APC: variants seen among roughly 807,000 people sequenced by gnomAD.
APC encodes the protein adenomatous polyposis coli protein.
In APC, 72 loss-of-function variants were observed where a neutral mutation model predicts 247.0. The observed-to-expected ratio is 0.29, with a 90% confidence interval of 0.24 to 0.35. APC has a LOEUF of 0.35. APC is among the 10% of genes least tolerant of loss of function. APC has a pLI of 1.00. For synonymous variants in APC, 1,254 were observed against 1,162.5 expected (o/e 1.08, Z -1.60); for missense variants, 3,400 against 3,360.7 (o/e 1.01, Z -0.29).
chr5:112,781,297 A>C (rs565726669), intron 6 of APC, among the ~76,000 whole-genome samples: 2 of 152,338 alleles, frequency 1.3e-5, no homozygotes, highest in African/African-American at 4.8e-5. Flanking sequence ...ATTCAAGGAT[A>C]ATAGGAAGGA....
chr5:112,778,519 A>G (rs1757942613), intron 5 of APC: 1 of 150,662 alleles, frequency 6.6e-6, no homozygotes. Flanking sequence ...TACATATTTT[A>G]GCTATTATCC....
intron 6 of APC, among the ~76,000 whole-genome samples, chr5:112,789,922 A>G (rs1348179925): frequency 1.3e-5 from 2 of 151,322 alleles, no homozygotes; most frequent in African/African-American, 2.4e-5. Context: ...GGGCAGTGGC[A>G]CGATATCGCT....
intron 9 of APC, among the ~76,000 whole-genome samples, chr5:112,817,726 A>G (rs1191588377): frequency 1.3e-5 from 2 of 152,200 alleles, no homozygotes; most frequent in Non-Finnish European, 2.9e-5. Context: ...TGTCCTATAC[A>G]TGTATTATTT....
chr5:112,773,496 T>G (rs1757282027), intron 4 of APC, among the ~76,000 whole-genome samples: 1 of 152,210 alleles, frequency 6.6e-6, no homozygotes, highest in Non-Finnish European at 1.5e-5. Flanking sequence ...AACTTTTGAC[T>G]GCCCGAAAAC....
chr5:112,824,034 C>T (rs1336285297), intron 11 of APC, among the ~76,000 whole-genome samples: 22 of 152,144 alleles, frequency 1.4e-4, no homozygotes, highest in Non-Finnish European at 5.9e-5. Flanking sequence ...ACTATCTAAA[C>T]CAAATAAAAC....
chr5:112,778,687 C>G (rs563622221), intron 5 of APC, among the ~76,000 whole-genome samples: 8 of 97,802 alleles, frequency 8.2e-5, no homozygotes, highest in Non-Finnish European at 1.1e-4. Flanking sequence ...GCTGGGACTA[C>G]AGCATGCCAC....
At chr5:112,826,246 G>A (rs546860321) in intron 11 of APC, among the ~76,000 whole-genome samples, 1 of 152,178 alleles carries the variant, frequency 6.6e-6, no homozygotes, top group Admixed American at 6.5e-5. Context: ...TTTTCTTTCT[G>A]AGTCCCGTGA....
At chr5:112,743,783 G>A (rs147018853) in intron 1 of APC, among the ~76,000 whole-genome samples, 26 of 152,210 alleles carry the variant, frequency 1.7e-4, no homozygotes, top group Middle Eastern at 3.4e-3. Flanking sequence ...TGAACTTAGG[G>A]CCACTCTAAT....
chr5:112,827,515 C>G (rs1763825141), intron 12 of APC, among the ~76,000 whole-genome samples: 1 of 149,328 alleles, frequency 6.7e-6, no homozygotes, highest in Non-Finnish European at 1.5e-5. Flanking sequence ...TTGTAGGGAT[C>G]ATTTCTGTGA....
Position 112,838,716 on chromosome 5 carries a change from A to G in APC, c.3122A>G (p.Gln1041Arg), listed in dbSNP as rs1554084709. The stretch of plus-strand genomic sequence containing the variant: ...GATGAGCAGTTGAACTCTGGAAGGC[A>G]AAGTCCTTCACAGAATGAAAGATGG... ...YSDEQLNSGR[Q>R]SPSQNERWAR... Residue 1041 changes from glutamine to arginine, a missense_variant, in exon 16 of 16, where the codon CAA becomes CGA. Gln to Arg is a conservative substitution (Grantham distance 43). This residue lies in a region of APC where 715 missense variants were observed against 656.6 expected (regional missense o/e 1.09). Coordinates refer to ENST00000257430, the MANE Select transcript of APC (RefSeq NM_000038.6). The G allele has an allele frequency of 6.2e-7, 1 of 1,614,218 alleles. No individual in the cohort carries two copies. The highest frequency in any genetic ancestry group is 1.7e-4 in the Middle Eastern group (1 of 6,058).
rs587782271 is a variant in APC, at chr5:112,841,592, A to G, written c.5998A>G (p.Ser2000Gly). ...TEPPDSQGEP[S>G]KPQASGYAPK... is the part of the protein sequence containing the mutation. ...GCCCCCTGACTCACAGGGAGAACCA[A>G]GTAAACCTCAAGCATCAGGCTATGC... Residue 2000 changes from serine to glycine, a missense_variant, in exon 16 of 16, where the codon AGT becomes GGT. Around this residue, in one of 9 missense-constraint regions of APC, gnomAD observed 1,788 missense variants for 1,649.5 expected, o/e 1.08. Transcript: ENST00000257430. The surrounding 1 kb of genome is among the most constrained non-coding windows in gnomAD (Gnocchi z 4.6). 1 of 1,613,838 alleles carries G rather than the reference A, an allele frequency of 6.2e-7. No homozygotes were observed. The highest frequency in any genetic ancestry group is 1.6e-4 in the Middle Eastern group (1 of 6,062).
intron 8 of APC, among the ~76,000 whole-genome samples, chr5:112,814,653 G>A (rs1762314522): frequency 6.6e-6 from 1 of 152,076 alleles, no homozygotes; most frequent in East Asian, 1.9e-4. Context: ...TCCTACCTGT[G>A]ATCTCTCCGT....
chr5:112,734,859 C>G (rs1185762408), upstream of APC, among the ~76,000 whole-genome samples: 1 of 147,116 alleles, frequency 6.8e-6, no homozygotes, highest in Non-Finnish European at 1.5e-5. Flanking sequence ...GGTGTGATCT[C>G]GGCTCACTGC....
intron 1 of APC, among the ~76,000 whole-genome samples, chr5:112,747,674 G>GT (rs1180707237): frequency 6.6e-6 from 1 of 152,156 alleles, no homozygotes; most frequent in Non-Finnish European, 1.5e-5. Context: ...GCCATAAAGA[G>GT]TAAGAGACAT....
At chr5:112,817,112 C>T (rs1003227568) in intron 9 of APC, among the ~76,000 whole-genome samples, 3 of 152,066 alleles carry the variant, frequency 2.0e-5, no homozygotes, top group Non-Finnish European at 4.4e-5. Context: ...TCAGGTGATG[C>T]GCTCATCTCT....
At chr5:112,766,050 TGTTG>T (rs1756268555) in intron 2 of APC, among the ~76,000 whole-genome samples, 1 of 152,268 alleles carries the variant, frequency 6.6e-6, no homozygotes, top group Non-Finnish European at 1.5e-5. Flanking sequence ...TAATTTGCAT[TGTTG>T]GTTTTTAGGT....
In APC at chr5:112,843,096, C is replaced by T. The variant is rs2149988496; in HGVS notation, c.7502C>T (p.Ala2501Val). ...MSLSTHSSVQ[A>V]GGWRKLPPNL... ...CTATCCACACATTCGTCTGTTCAGG[C>T]TGGTGGATGGCGAAAACTCCCACCT... Residue 2501 changes from alanine to valine, a missense_variant, in exon 16 of 16, where the codon GCT becomes GTT. By Grantham distance (64) the Ala-to-Val change is moderately conservative. Coordinates refer to ENST00000257430, the MANE Select transcript of APC (RefSeq NM_000038.6). This position sits in a 1 kb window ranked among gnomAD's most constrained non-coding sequence, Gnocchi z 4.8. The T allele has an allele frequency of 9.3e-6, 15 of 1,614,028 alleles. No homozygotes were observed. The highest frequency in any genetic ancestry group is 1.3e-5 in the Non-Finnish European group (15 of 1,179,906).
chr5:112,738,205 G>C, intron 1 of APC: 1 of 874,800 alleles, frequency 1.1e-6, no homozygotes, highest in South Asian at 5.3e-5. Context: ...AAGCCAGAAG[G>C]GGTTTTTGTT....
rs1172454959 is a variant in APC, at chr5:112,839,948, G to A, written c.4354G>A (p.Val1452Ile). ...PPQTAQTKRE[V>I]PKNKAPTAEK... ...TCAAACAGCTCAAACCAAGCGAGAA[G>A]TACCTAAAAATAAAGCACCTACTGC... The change falls in exon 16 of 16, where the codon GTA becomes ATA. Residue 1452 changes from valine (V) to isoleucine (I), a missense_variant. This residue lies in a region of APC where 1,788 missense variants were observed against 1,649.5 expected (regional missense o/e 1.08). Coordinates refer to ENST00000257430, the MANE Select transcript of APC (RefSeq NM_000038.6). The surrounding 1 kb of genome is among the most constrained non-coding windows in gnomAD (Gnocchi z 5.0). The A allele has an allele frequency of 1.2e-6, 2 of 1,613,956 alleles. No homozygotes were observed. The highest frequency in any genetic ancestry group is 2.2e-5 in the East Asian group (1 of 44,868).
Sources: gnomAD v4.1 joint callset for allele counts (sites outside exome capture counted in the v4.1 genomes callset) on GRCh38, gnomAD v4.1.1 for gene constraint, gnomAD v4.1.1 regional missense constraint, Gnocchi (gnomAD v3.1) non-coding constraint, MANE v1.5 for transcripts, NCBI Gene and HGNC (gene_info 2026-07-23, HGNC 2026-07-21) for gene names.